The following SLC23A2 variants were observed in gnomAD, a reference collection of about 807,000 sequenced individuals.
The protein encoded by SLC23A2 is solute carrier family 23 member 2, also known as Na(+)/L-ascorbic acid transporter 2.
A neutral mutation model predicts 73.3 loss-of-function variants in SLC23A2; 36 were observed. That is an observed-to-expected ratio of 0.49 (90% CI 0.38 to 0.65). The LOEUF (loss-of-function observed/expected upper bound fraction) is 0.65. Ranked by LOEUF, SLC23A2 falls within the 30% of genes least tolerant of loss-of-function variation. The pLI, the probability that SLC23A2 is intolerant of heterozygous loss-of-function variation, is 0.00. For synonymous variants in SLC23A2, 343 were observed against 327.3 expected (o/e 1.05, Z -0.52); for missense variants, 507 against 841.6 (o/e 0.60, Z 4.92).
At chr20:4,933,961 G>C (rs1164382773) in intron 2 of SLC23A2, among the ~76,000 whole-genome samples, 1 of 152,198 alleles carries the variant, frequency 6.6e-6, no homozygotes, top group Non-Finnish European at 1.5e-5. Flanking sequence ...CACTTTGGAT[G>C]AGCCAGGGGA....
At chr20:4,963,928 T>C (rs1411327707) in intron 2 of SLC23A2, among the ~76,000 whole-genome samples, 1 of 152,162 alleles carries the variant, frequency 6.6e-6, no homozygotes, top group East Asian at 1.9e-4. Context: ...TAATTGTAAA[T>C]TTAGTAAATA....
intron 6 of SLC23A2, among the ~76,000 whole-genome samples, chr20:4,897,689 A>G (rs1448235826): frequency 6.6e-6 from 1 of 152,104 alleles, no homozygotes; most frequent in Non-Finnish European, 1.5e-5. Context: ...CTCTGTGACC[A>G]AAAGTATTTA....
At position 4,909,247 on chromosome 20, in the gene SLC23A2, A is replaced by C. The variant is rs6052964; in HGVS notation, c.207+3633T>G. 4.1e-3 allele frequency among the ~76,000 whole-genome samples: 626 copies of C among 152,106 alleles called. 7 individuals are homozygous for C. Among genetic ancestry groups the C allele is most frequent in the African/African-American group, 0.015 (602 of 41,488 alleles). ...ACTGGTTGCGCATCACAATCCCAAA[A>C]CTCAAATCCAAAATGCTCCAATGAG... On this transcript the variant is annotated intron_variant, in intron 4 of 16. Transcript: ENST00000338244.
chr20:4,898,799 G>T (rs1433025725), intron 6 of SLC23A2, among the ~76,000 whole-genome samples: 1 of 152,168 alleles, frequency 6.6e-6, no homozygotes, highest in Non-Finnish European at 1.5e-5. Flanking sequence ...GTGGGAAAAA[G>T]ACATAGAAAC....
chr20:4,958,917 G>C (rs1474334317), intron 2 of SLC23A2, among the ~76,000 whole-genome samples: 1 of 151,986 alleles, frequency 6.6e-6, no homozygotes, highest in African/African-American at 2.4e-5. Context: ...GGATTAAAAA[G>C]CTGTATGAAA....
chr20:4,986,220 C>A (rs2122296530), intron 1 of SLC23A2, among the ~76,000 whole-genome samples: 1 of 152,214 alleles, frequency 6.6e-6, no homozygotes, highest in South Asian at 2.1e-4. Context: ...ATAATCCCAG[C>A]AGAGGCGGGG....
At chr20:4,989,996 C>T (rs1479639113) in intron 1 of SLC23A2, among the ~76,000 whole-genome samples, 3 of 152,124 alleles carry the variant, frequency 2.0e-5, no homozygotes, top group Non-Finnish European at 1.5e-5. Flanking sequence ...AGAAGAAATA[C>T]TACTACTTCC....
At chr20:4,994,364 T>C (rs551177765) in intron 1 of SLC23A2, among the ~76,000 whole-genome samples, 1 of 152,110 alleles carries the variant, frequency 6.6e-6, no homozygotes, top group South Asian at 2.1e-4. Context: ...AAGGAAGGTG[T>C]TGTAGTTAGC....
At chr20:4,981,873 T>C (rs1191256721) in intron 1 of SLC23A2, among the ~76,000 whole-genome samples, 3 of 152,082 alleles carry the variant, frequency 2.0e-5, no homozygotes, top group Admixed American at 2.0e-4. Context: ...AGCTAATTTT[T>C]TGCATTTTTA....
At chr20:5,002,232 CATTAA>C, upstream of SLC23A2, among the ~76,000 whole-genome samples, 2 of 152,232 alleles carry the variant, frequency 1.3e-5, no homozygotes, top group East Asian at 3.9e-4. Context: ...TTGAGGACTT[CATTAA>C]GATGCAGATG....
intron 2 of SLC23A2, among the ~76,000 whole-genome samples, chr20:4,950,232 T>G (rs2087178868): frequency 1.3e-5 from 2 of 152,244 alleles, no homozygotes. Context: ...AACCTATCTT[T>G]GTAAACCCTT....
At chr20:4,939,914 G>C (rs910902518) in intron 2 of SLC23A2, among the ~76,000 whole-genome samples, 1 of 152,152 alleles carries the variant, frequency 6.6e-6, no homozygotes, top group African/African-American at 2.4e-5. Context: ...GATAGGAAAG[G>C]TACTGTAAGA....
chr20:4,906,814 G>A (rs945397998), intron 4 of SLC23A2, among the ~76,000 whole-genome samples: 5 of 152,152 alleles, frequency 3.3e-5, no homozygotes, highest in Non-Finnish European at 7.3e-5. Context: ...GCAAAGAGGA[G>A]ATCAAGAAAA....
At chr20:4,972,742 T>C (rs146463412) in intron 1 of SLC23A2, among the ~76,000 whole-genome samples, 1,824 of 152,136 alleles carry the variant, frequency 0.012, 30 homozygotes, top group East Asian at 0.049. Flanking sequence ...CCCGCCACCA[T>C]GCCTGGCTAA....
chr20:4,932,098 C>T (rs1932796730), intron 3 of SLC23A2, among the ~76,000 whole-genome samples: 1 of 152,196 alleles, frequency 6.6e-6, no homozygotes, highest in Non-Finnish European at 1.5e-5. Flanking sequence ...CATTCATCCT[C>T]CCAGCTTGCA....
rs1911658130 is a variant in SLC23A2 at position 4,872,993 on chromosome 20, A to T, written c.1102+943T>A. 6.6e-6 allele frequency among the ~76,000 whole-genome samples: 1 copy of T among 152,138 alleles called. No individual in the cohort carries two copies. The highest frequency in any genetic ancestry group is 2.1e-4 in the South Asian group (1 of 4,828). Reference sequence around the variant, plus strand: ...GGTCTTGAACTCCTGACCTCGGGTGATCCTCCTGCCTCGGCCTCCCCAAAG... The same window carrying T: ...GGTCTTGAACTCCTGACCTCGGGTGTTCCTCCTGCCTCGGCCTCCCCAAAG... On this transcript the variant is annotated intron_variant, in intron 11 of 16. Coordinates refer to ENST00000338244, the MANE Select transcript of SLC23A2 (RefSeq NM_005116.6). This position sits in a 1 kb window ranked among gnomAD's most constrained non-coding sequence, Gnocchi z 4.4.
At chr20:5,002,206 G>C (rs2088138343), upstream of SLC23A2, among the ~76,000 whole-genome samples, 1 of 152,142 alleles carries the variant, frequency 6.6e-6, no homozygotes. Context: ...CGGTCTTAGA[G>C]CTGGGCAGCC....
chr20:5,007,485 C>T (rs991329461), intron 1 of SLC23A2, among the ~76,000 whole-genome samples: 1 of 152,118 alleles, frequency 6.6e-6, no homozygotes, highest in Non-Finnish European at 1.5e-5. Context: ...GAGCTGAAAT[C>T]GCACCACTGC....
At chr20:4,865,666 CT>C (rs1174346804) in intron 13 of SLC23A2, among the ~76,000 whole-genome samples, 1 of 152,120 alleles carries the variant, frequency 6.6e-6, no homozygotes, top group Admixed American at 6.5e-5. Flanking sequence ...AACAATTTTA[CT>C]CCTACAGTCG....
Sources: allele counts gnomAD v4.1 joint callset (sites outside exome capture counted in the v4.1 genomes callset), GRCh38; gene constraint gnomAD v4.1.1; non-coding constraint Gnocchi (gnomAD v3.1); transcripts MANE v1.5; gene names NCBI Gene and HGNC (gene_info 2026-07-23, HGNC 2026-07-21).